PPP1R3C: variants seen among roughly 807,000 people sequenced by gnomAD.
PPP1R3C encodes the protein protein phosphatase 1 regulatory subunit 3C.
PPP1R3C carries 20 observed loss-of-function variants against 29.3 expected under a neutral mutation model. That is an observed-to-expected ratio of 0.68 (90% confidence interval 0.48 to 0.99). The LOEUF (loss-of-function observed/expected upper bound fraction) is 0.99. Among genes scored for constraint, PPP1R3C ranks in the 50% least tolerant of loss-of-function variants. The pLI, the probability that PPP1R3C is intolerant of heterozygous loss-of-function variation, is 0.00. For synonymous variants in PPP1R3C, 123 were observed against 143.1 expected (o/e 0.86, Z 1.00); for missense variants, 321 against 386.0 (o/e 0.83, Z 1.41).
intron 1 of PPP1R3C, among the ~76,000 whole-genome samples, chr10:91,631,545 T>A (rs1475853995): frequency 6.6e-6 from 1 of 151,762 alleles, no homozygotes; most frequent in African/African-American, 2.4e-5. Context: ...AAAAATAACA[T>A]GCAACAGTTT....
rs1231740544 is a variant in PPP1R3C, at chr10:91,629,098, A to G, written c.*829T>C. 1 of 152,218 alleles carries G rather than the reference A, an allele frequency of 6.6e-6. No individual in the cohort carries two copies. The highest frequency in any genetic ancestry group is 2.4e-5 in the African/African-American group (1 of 41,458). 9.4% of individuals were successfully genotyped at this position (152,218 alleles called of 1,614,324 possible). A position where few individuals can be genotyped will look rare whatever the true frequency, so the allele number is the denominator to read the frequency against. ...TTCTGGTTTAATCAAGGCACTTGCA[A>G]AGAGCTATCTTTGACATGACATGAA... On this transcript the variant is annotated 3_prime_UTR_variant, in exon 2 of 2. Coordinates refer to ENST00000238994, the MANE Select transcript of PPP1R3C (RefSeq NM_005398.7).
In PPP1R3C at chr10:91,629,946, T is replaced by G; in HGVS notation, c.935A>C (p.Asn312Thr). 1 of 1,614,128 alleles carries G rather than the reference T, an allele frequency of 6.2e-7. No individual in the cohort carries two copies. The highest frequency in any genetic ancestry group is 8.5e-7 in the Non-Finnish European group (1 of 1,180,034). ...CTTAATTCATCGATAAGAGGCCAAG[T>G]TCTCCATTCTCCCCCAGCTCTGCCA... is the stretch of plus-strand genomic sequence containing the variant. Reference protein sequence around the residue: ...PEWQSWGRMENLASYR With the variant: ...PEWQSWGRMETLASYR The change falls in exon 2 of 2, where the codon AAC (asparagine) becomes ACC (threonine). Residue 312 changes from asparagine to threonine, a missense_variant. Asn to Thr is a moderately conservative substitution (Grantham distance 65). Coordinates refer to ENST00000238994, the MANE Select transcript of PPP1R3C (RefSeq NM_005398.7).
At chr10:91,632,388 T>A (rs1040176074) in intron 1 of PPP1R3C, among the ~76,000 whole-genome samples, 1 of 151,676 alleles carries the variant, frequency 6.6e-6, no homozygotes, top group Non-Finnish European at 1.5e-5. Flanking sequence ...GGAGGTTTTT[T>A]TTGGTTTTTT....
intron 1 of PPP1R3C, 43 bp downstream of exon 1, chr10:91,632,913 C>T: frequency 6.2e-7 from 1 of 1,602,012 alleles, no homozygotes. Context: ...CACAGCTGCG[C>T]GTTCCCCTGT....
Position 91,630,494 on chromosome 10 carries a change from G to A in PPP1R3C, c.387C>T (p.His129=), listed in dbSNP as rs763830391. The A allele has an allele frequency of 1.5e-5, 25 of 1,614,102 alleles. No individual in the cohort carries two copies. Among genetic ancestry groups the A allele is most frequent in the African/African-American group, 5.3e-5 (4 of 75,020 alleles). The stretch of plus-strand genomic sequence containing the variant: ...AATCTAAAATCAAGTTTTTCTCCTC[G>A]TGGTGTTTTAAGGCAGAGGAGATAT... ...LNDISSALKH[H]EEKNLILDFP... The change falls in exon 2 of 2, where the codon CAC becomes CAT. Residue 129 remains histidine, a synonymous_variant. Coordinates refer to ENST00000238994, the MANE Select transcript of PPP1R3C (RefSeq NM_005398.7). The surrounding 1 kb of genome is among the most constrained non-coding windows in gnomAD (Gnocchi z 4.4).
chr10:91,630,529 C>T lies in PPP1R3C; in HGVS notation c.352G>A (p.Asp118Asn). The T allele has an allele frequency of 1.9e-6, 3 of 1,614,048 alleles. No individual in the cohort carries two copies. Among genetic ancestry groups the T allele is most frequent in the Non-Finnish European group, 2.5e-6 (3 of 1,180,014 alleles). ...AAGGCAGAGGAGATATCATTAAGGT[C>T]CAAGAGATCAAACTGCAGATCCCAC... The part of the protein sequence containing the change: ...PAWDLQFDLL[D>N]LNDISSALKH... The change falls in exon 2 of 2, where the codon GAC becomes AAC. Residue 118 changes from aspartate to asparagine, a missense_variant. Asp to Asn is a conservative substitution (Grantham distance 23). Coordinates refer to ENST00000238994, the MANE Select transcript of PPP1R3C (RefSeq NM_005398.7). This position sits in a 1 kb window ranked among gnomAD's most constrained non-coding sequence, Gnocchi z 4.4.
chr10:91,630,659 C>G lies in PPP1R3C; in HGVS notation c.222G>C (p.Trp74Cys), dbSNP rs1318725404. Residue 74 changes from tryptophan (W) to cysteine (C), a missense_variant, in exon 2 of 2, where the codon TGG becomes TGC. Coordinates refer to ENST00000238994, the MANE Select transcript of PPP1R3C (RefSeq NM_005398.7). The surrounding 1 kb of genome is among the most constrained non-coding windows in gnomAD (Gnocchi z 4.4). Reference sequence around the variant, plus strand: ...TCTTGGCTTGGTTGTGTGAGCACTTCCAGTCATTCTGTGATTTGGCTTTGT... The same window carrying G: ...TCTTGGCTTGGTTGTGTGAGCACTTGCAGTCATTCTGTGATTTGGCTTTGT... ...IKHKAKSQNDWKCSHNQAKKR... is the reference protein window; with the variant it reads ...IKHKAKSQNDCKCSHNQAKKR... 10 of 1,612,362 alleles carry G rather than the reference C, an allele frequency of 6.2e-6. No homozygotes were observed. The South Asian group carries it at 8.8e-5, about 14-fold the overall frequency.
At chr10:91,631,873 TTATC>T (rs893382101) in intron 1 of PPP1R3C, among the ~76,000 whole-genome samples, 4 of 152,188 alleles carry the variant, frequency 2.6e-5, no homozygotes, top group Non-Finnish European at 4.4e-5. Context: ...GGATTATAGA[TTATC>T]TATTTTCGTT....
chr10:91,630,439 A>G lies in PPP1R3C; in HGVS notation c.442T>C (p.Phe148Leu), dbSNP rs773262230. The G allele has an allele frequency of 6.2e-7, 1 of 1,614,106 alleles. No individual in the cohort carries two copies. Among genetic ancestry groups the G allele is most frequent in the Non-Finnish European group, 8.5e-7 (1 of 1,180,040 alleles). The change falls in exon 2 of 2, where the codon TTC (phenylalanine) becomes CTC (leucine). Residue 148 changes from phenylalanine (F) to leucine (L), a missense_variant. Phe to Leu is a conservative substitution (Grantham distance 22). Transcript: ENST00000238994. The surrounding 1 kb of genome is among the most constrained non-coding windows in gnomAD (Gnocchi z 4.4). ...AAGTTCTTCTGAAAGTGGCTCCGGA[A>G]ACTTAAGTAATCGGTTGAAGGCTGA... ...FPQPSTDYLS[F>L]RSHFQKNFVC...
rs372692241 is a variant in PPP1R3C at position 91,630,306 on chromosome 10, G to T, written c.575C>A (p.Ser192Tyr). The change falls in exon 2 of 2, where the codon TCT (serine) becomes TAT (tyrosine). Residue 192 changes from serine to tyrosine, a missense_variant. By Grantham distance (144) the Ser-to-Tyr change is moderately radical. Coordinates refer to ENST00000238994, the MANE Select transcript of PPP1R3C (RefSeq NM_005398.7). The surrounding 1 kb of genome is among the most constrained non-coding windows in gnomAD (Gnocchi z 4.4). ...KKVQIRITFD[S>Y]WKNYTDVDCV... Reference sequence around the variant, plus strand: ...GTCTACGTCAGTGTAGTTTTTCCAAGAATCGAAAGTGATACGGATCTGAAC... The same window carrying T: ...GTCTACGTCAGTGTAGTTTTTCCAATAATCGAAAGTGATACGGATCTGAAC... 2.5e-6 allele frequency: 4 copies of T among 1,614,036 alleles called. No homozygotes were observed. In the African/African-American group the frequency reaches 5.3e-5, roughly 22 times the overall value.
Position 91,630,452 on chromosome 10 carries a change from G to A in PPP1R3C, c.429C>T (p.Thr143=), listed in dbSNP as rs35287022. 347 of 1,614,158 alleles carry A rather than the reference G, an allele frequency of 2.1e-4. 2 individuals carry two copies. The African/African-American group carries it at 3.8e-3, about 18-fold the overall frequency. ...AGTGGCTCCGGAAACTTAAGTAATC[G>A]GTTGAAGGCTGAGGGAAATCTAAAA... ...NLILDFPQPS[T]DYLSFRSHFQ... The change falls in exon 2 of 2, where the codon ACC becomes ACT. Residue 143 remains threonine (T), a synonymous_variant. Coordinates refer to ENST00000238994, the MANE Select transcript of PPP1R3C (RefSeq NM_005398.7). The surrounding 1 kb of genome is among the most constrained non-coding windows in gnomAD (Gnocchi z 4.4).
At chr10:91,632,382 G>GT (rs139500158) in intron 1 of PPP1R3C, among the ~76,000 whole-genome samples, 2,116 of 149,952 alleles carry the variant, frequency 0.014, 51 homozygotes, top group African/African-American at 0.048. Flanking sequence ...TTTATGGGAG[G>GT]TTTTTTTTGG....
chr10:91,632,857 T>C (rs1224804688), intron 1 of PPP1R3C, 99 bp downstream of exon 1: 2 of 1,498,372 alleles, frequency 1.3e-6, no homozygotes, highest in East Asian at 2.4e-5. Flanking sequence ...CCCCCTGGGG[T>C]GTCCATTTCC....
At position 91,630,223 on chromosome 10, in the gene PPP1R3C, T is replaced by C; in HGVS notation, c.658A>G (p.Ile220Val). The C allele has an allele frequency of 1.9e-6, 3 of 1,614,222 alleles. No individual in the cohort carries two copies. Among genetic ancestry groups the C allele is most frequent in the Non-Finnish European group, 2.5e-6 (3 of 1,180,034 alleles). Reference protein sequence around the residue: ...GTDSDTFSFAIDLPPVIPTEQ... With the variant: ...GTDSDTFSFAVDLPPVIPTEQ... ...GTTGGAATGACAGGGGGTAAGTCAA[T>C]GGCAAATGAGAAGGTATCACTATCT... Residue 220 changes from isoleucine to valine, a missense_variant, in exon 2 of 2, where the codon ATT (isoleucine) becomes GTT (valine). Ile to Val is a conservative substitution (Grantham distance 29). Coordinates refer to ENST00000238994, the MANE Select transcript of PPP1R3C (RefSeq NM_005398.7). This position sits in a 1 kb window ranked among gnomAD's most constrained non-coding sequence, Gnocchi z 4.4.
At chr10:91,632,900 C>G in intron 1 of PPP1R3C, 56 bp downstream of exon 1, 1 of 1,587,372 alleles carries the variant, frequency 6.3e-7, no homozygotes, top group Non-Finnish European at 8.6e-7. Flanking sequence ...CCCCCAACTT[C>G]CCCACAGCTG....
At chr10:91,631,343 A>AACT (rs1249682657) in intron 1 of PPP1R3C, among the ~76,000 whole-genome samples, 1 of 151,900 alleles carries the variant, frequency 6.6e-6, no homozygotes, top group African/African-American at 2.4e-5. Flanking sequence ...TGGGACTCAG[A>AACT]ACTACTGAGG....
rs1848707981 is a variant in PPP1R3C at position 91,630,624 on chromosome 10, A to G, written c.257T>C (p.Val86Ala). The stretch of plus-strand genomic sequence containing the variant: ...AGAGAGGCCCTTGGAGTCAGCAAAC[A>G]CAACGCGCTTCTTGGCTTGGTTGTG... Reference protein sequence around the residue: ...CSHNQAKKRVVFADSKGLSLT... With the variant: ...CSHNQAKKRVAFADSKGLSLT... The change falls in exon 2 of 2, where the codon GTG (valine) becomes GCG (alanine). Residue 86 changes from valine to alanine, a missense_variant. Val to Ala is a moderately conservative substitution (Grantham distance 64, BLOSUM62 0). Coordinates refer to ENST00000238994, the MANE Select transcript of PPP1R3C (RefSeq NM_005398.7). This position sits in a 1 kb window ranked among gnomAD's most constrained non-coding sequence, Gnocchi z 4.4. The G allele has an allele frequency of 6.2e-7, 1 of 1,611,428 alleles. No homozygotes were observed. The highest frequency in any genetic ancestry group is 2.2e-5 in the East Asian group (1 of 44,824).
chr10:91,633,071 T>G lies in PPP1R3C; in HGVS notation c.-102A>C. ...CCCCGCGGCGGTCGCTGGGAGAGACTGAGGGCCCGGCGCCTAGAGGCCGCT... is the reference window on the plus strand; with the variant it reads ...CCCCGCGGCGGTCGCTGGGAGAGACGGAGGGCCCGGCGCCTAGAGGCCGCT... On this transcript the variant is annotated 5_prime_UTR_variant, in exon 1 of 2. Transcript: ENST00000238994. The G allele has an allele frequency of 3.3e-6, 5 of 1,493,048 alleles. No homozygotes were observed. The South Asian group carries it at 3.6e-5, about 11-fold the overall frequency. 92.5% of individuals were successfully genotyped at this position (1,493,048 alleles called of 1,614,324 possible).
Position 91,629,882 on chromosome 10 carries a change from A to C in PPP1R3C, c.*45T>G, listed in dbSNP as rs1339848452. 1 of 1,598,864 alleles carries C rather than the reference A, an allele frequency of 6.3e-7. No individual in the cohort carries two copies. The highest frequency in any genetic ancestry group is 2.2e-5 in the East Asian group (1 of 44,838). On this transcript the variant is annotated 3_prime_UTR_variant, in exon 2 of 2. Coordinates refer to ENST00000238994, the MANE Select transcript of PPP1R3C (RefSeq NM_005398.7). The stretch of plus-strand genomic sequence containing the variant: ...TTGAGCAATACAGACCTAGGATTGC[A>C]TGGGGGAATATGACAAGTCAAGACC...
Sources: allele counts gnomAD v4.1 joint callset (sites outside exome capture counted in the v4.1 genomes callset), GRCh38; gene constraint gnomAD v4.1.1; non-coding constraint Gnocchi (gnomAD v3.1); transcripts MANE v1.5; gene names NCBI Gene and HGNC (gene_info 2026-07-23, HGNC 2026-07-21).